The following SNTB2 variants were observed in gnomAD, a reference collection of about 807,000 sequenced individuals.
SNTB2 encodes syntrophin beta 2, also known as beta-2-syntrophin.
SNTB2 carries 34 observed loss-of-function variants against 46.2 expected under a neutral mutation model. The observed-to-expected ratio is 0.74, with a 90% CI of 0.56 to 0.98. The LOEUF (loss-of-function observed/expected upper bound fraction) is 0.98, where lower values mean the gene tolerates loss of function less well. Ranked by LOEUF, SNTB2 falls within the 50% of genes least tolerant of loss-of-function variation. The pLI is 0.00. For synonymous variants in SNTB2, 290 were observed against 312.6 expected (o/e 0.93, Z 0.76); for missense variants, 603 against 731.4 (o/e 0.82, Z 2.02).
chr16:69,239,154 A>G (rs763214772), intron 1 of SNTB2, among the ~76,000 whole-genome samples: 36 of 151,664 alleles, frequency 2.4e-4, no homozygotes, highest in Non-Finnish European at 4.0e-4. Context: ...TGCATGGCCA[A>G]CTCCCCCATC....
intron 1 of SNTB2, among the ~76,000 whole-genome samples, chr16:69,243,120 T>G (rs1964634466): frequency 6.6e-6 from 1 of 152,028 alleles, no homozygotes; most frequent in African/African-American, 2.4e-5. Context: ...AGTGTTTAAT[T>G]AAATTATTTT....
intron 1 of SNTB2, among the ~76,000 whole-genome samples, chr16:69,213,876 G>C (rs1405091382): frequency 7.5e-6 from 1 of 133,628 alleles, no homozygotes; most frequent in Non-Finnish European, 1.5e-5. Context: ...AGGCTAGAGT[G>C]CGGTGGCATG....
At chr16:69,226,479 A>G (rs1346798462) in intron 1 of SNTB2, among the ~76,000 whole-genome samples, 1 of 152,104 alleles carries the variant, frequency 6.6e-6, no homozygotes, top group Non-Finnish European at 1.5e-5. Flanking sequence ...CTGACTTTCT[A>G]ATAAGAATAT....
intron 2 of SNTB2, among the ~76,000 whole-genome samples, chr16:69,255,697 A>G (rs746965351): frequency 5.3e-5 from 8 of 151,920 alleles, no homozygotes; most frequent in African/African-American, 9.7e-5. Context: ...CCTGACCAAC[A>G]TGGTGAATCC....
chr16:69,251,733 G>A (rs770504864), intron 2 of SNTB2, among the ~76,000 whole-genome samples: 2 of 151,984 alleles, frequency 1.3e-5, no homozygotes, highest in South Asian at 2.1e-4. Context: ...AGCTGAGATC[G>A]TACCATTACT....
chr16:69,232,499 G>T (rs1404746278), intron 1 of SNTB2, among the ~76,000 whole-genome samples: 3 of 123,484 alleles, frequency 2.4e-5, no homozygotes, highest in Admixed American at 8.5e-5. Context: ...GCCACGGTGC[G>T]GCCTTTTTTT....
At chr16:69,248,506 C>T (rs894466652) in intron 2 of SNTB2, among the ~76,000 whole-genome samples, 10 of 152,124 alleles carry the variant, frequency 6.6e-5, no homozygotes, top group African/African-American at 1.7e-4. Flanking sequence ...GTGGCAGGCA[C>T]CTGTAATCCC....
rs60543622 is a variant in SNTB2 at position 69,297,306 on chromosome 16, CAAAAAAAA to C, written c.1346-2263_1346-2256del. On this transcript the variant is annotated intron_variant, in intron 5 of 6. Transcript: ENST00000336278. ...TAGGTGACACAGCAAGATTCTATCT[CAAAAAAAA>C]AAAAAAAAAAAAAAAAAAAAGGAGG... Among the ~76,000 whole-genome samples the C allele has an allele frequency of 5.5e-4, 25 of 45,736 alleles. No individual in the cohort carries two copies. The South Asian group carries it at 0.043, about 79-fold the overall frequency. The allele number at this position is 45,736 out of a possible 152,430, so 30.0% of individuals were successfully genotyped here. A position where few individuals can be genotyped will look rare whatever the true frequency, so the allele number is the denominator to read the frequency against.
At chr16:69,298,807 C>T (rs1206947591) in intron 5 of SNTB2, among the ~76,000 whole-genome samples, 2 of 152,046 alleles carry the variant, frequency 1.3e-5, no homozygotes, top group African/African-American at 4.8e-5. Flanking sequence ...CAGGTGTGAG[C>T]CACCGTACCC....
At chr16:69,289,415 T>G (rs1247851833) in intron 5 of SNTB2, among the ~76,000 whole-genome samples, 1 of 151,938 alleles carries the variant, frequency 6.6e-6, no homozygotes, top group Non-Finnish European at 1.5e-5. Context: ...AGGAATAAAT[T>G]CTAATGTTCA....
chr16:69,278,723 TG>T (rs1021768047), intron 4 of SNTB2, among the ~76,000 whole-genome samples: 27 of 152,250 alleles, frequency 1.8e-4, no homozygotes, highest in African/African-American at 6.5e-4. Context: ...CCCAACGTGC[TG>T]GGATTACAGG....
At position 69,260,162 on chromosome 16, in the gene SNTB2, C is replaced by G. The variant is rs1567409287; in HGVS notation, c.907C>G (p.Leu303Val). ...TATCCACACCAACATAATGGCTCTC[C>G]TCCCACAGGTGTTGGCTGAACTCAA... ...VAIHTNIMAL[L>V]PQVLAELNAM... Residue 303 changes from leucine to valine, a missense_variant, in exon 3 of 7, where the codon CTC becomes GTC. This residue lies in a region of SNTB2 where 537 missense variants were observed against 692.4 expected (regional missense o/e 0.78). Coordinates refer to ENST00000336278, the MANE Select transcript of SNTB2 (RefSeq NM_006750.4). The G allele has an allele frequency of 6.2e-7, 1 of 1,614,162 alleles. No individual in the cohort carries two copies. Among genetic ancestry groups the G allele is most frequent in the Non-Finnish European group, 8.5e-7 (1 of 1,180,040 alleles).
intron 4 of SNTB2, among the ~76,000 whole-genome samples, chr16:69,274,955 A>G (rs1964972642): frequency 6.6e-6 from 1 of 152,074 alleles, no homozygotes; most frequent in Non-Finnish European, 1.5e-5. Context: ...AGCTTCCTAG[A>G]CTGATTGTCT....
At chr16:69,254,274 C>CA (rs1964752669) in intron 2 of SNTB2, among the ~76,000 whole-genome samples, 1 of 152,114 alleles carries the variant, frequency 6.6e-6, no homozygotes, top group Non-Finnish European at 1.5e-5. Context: ...CAGAGTAAAG[C>CA]TGCATGCTTT....
At chr16:69,241,326 G>A (rs150852643) in intron 1 of SNTB2, among the ~76,000 whole-genome samples, 2,726 of 151,166 alleles carry the variant, frequency 0.018, 84 homozygotes, top group African/African-American at 0.062. Context: ...ACAGGTGCCT[G>A]CCACCGCACC....
At chr16:69,239,570 G>A (rs1228584517) in intron 1 of SNTB2, among the ~76,000 whole-genome samples, 2 of 151,720 alleles carry the variant, frequency 1.3e-5, no homozygotes, top group East Asian at 3.9e-4. Flanking sequence ...TTTAGTCAAG[G>A]CAGGGTCTCG....
intron 5 of SNTB2, among the ~76,000 whole-genome samples, chr16:69,292,442 TATATA>T: frequency 1.2e-5 from 1 of 83,616 alleles, no homozygotes; most frequent in Non-Finnish European, 2.2e-5. Context: ...ATATTATATA[TATATA>T]ATTTTTTTTT....
chr16:69,210,952 C>T (rs1444733762), intron 1 of SNTB2, among the ~76,000 whole-genome samples: 1 of 152,102 alleles, frequency 6.6e-6, no homozygotes, highest in East Asian at 1.9e-4. Flanking sequence ...GATTGCACCA[C>T]TCCACTCCAG....
chr16:69,210,460 ACTC>A (rs1486240531), intron 1 of SNTB2, among the ~76,000 whole-genome samples: 1 of 149,962 alleles, frequency 6.7e-6, no homozygotes, highest in Non-Finnish European at 1.5e-5. Flanking sequence ...CTGTTCTTGA[ACTC>A]CTGATATCAG....
Sources: gnomAD v4.1 joint callset for allele counts (sites outside exome capture counted in the v4.1 genomes callset) on GRCh38, gnomAD v4.1.1 for gene constraint, gnomAD v4.1.1 regional missense constraint, MANE v1.5 for transcripts, NCBI Gene and HGNC (gene_info 2026-07-23, HGNC 2026-07-21) for gene names.